The following MYO1D variants were observed in gnomAD, a reference collection of about 807,000 sequenced individuals.
The protein encoded by MYO1D is unconventional myosin-Id.
In MYO1D, 83 loss-of-function variants were observed where a neutral mutation model predicts 122.0. The observed-to-expected ratio is 0.68, with a 90% CI of 0.57 to 0.82. MYO1D has a LOEUF of 0.82. Ranked by LOEUF, MYO1D falls within the 40% of genes least tolerant of loss-of-function variation. The probability of loss-of-function intolerance (pLI) is 0.00; values close to 1 mark genes in which losing one functional copy is unlikely to be tolerated. For missense variants in MYO1D, 1,157 were observed against 1,269.5 expected (o/e 0.91, Z 1.35); for synonymous variants, 464 against 446.9 (o/e 1.04, Z -0.48).
At chr17:32,646,108 T>A (rs2088290085) in intron 19 of MYO1D, among the ~76,000 whole-genome samples, 1 of 152,208 alleles carries the variant, frequency 6.6e-6, no homozygotes, top group South Asian at 2.1e-4. Context: ...TGTTTGTTAG[T>A]TTTCCTTCTA....
chr17:32,799,824 A>T (rs1313796151), intron 1 of MYO1D, among the ~76,000 whole-genome samples: 2 of 152,184 alleles, frequency 1.3e-5, no homozygotes, highest in East Asian at 3.8e-4. Context: ...TCCATAATAT[A>T]TAAGAAACTC....
rs776348288 is a variant in MYO1D, at chr17:32,712,201, T to G, written c.1914-6A>C. ...ATTCAGAGATCATCTTATACCTGGATGAAAAAAAGAAACAGGGTTAAGGGA... is the reference window on the plus strand; with the variant it reads ...ATTCAGAGATCATCTTATACCTGGAGGAAAAAAAGAAACAGGGTTAAGGGA... On this transcript the variant is annotated splice_region_variant and splice_polypyrimidine_tract_variant and intron_variant, in intron 15 of 21. Transcript: ENST00000318217. 6.2e-7 allele frequency: 1 copy of G among 1,608,344 alleles called. No individual in the cohort carries two copies. Among genetic ancestry groups the G allele is most frequent in the Middle Eastern group, 1.7e-4 (1 of 6,042 alleles).
rs143195889 is a variant in MYO1D, at chr17:32,670,109, T to C, written c.2122-10771A>G. On this transcript the variant is annotated intron_variant, in intron 16 of 21. Coordinates refer to ENST00000318217, the MANE Select transcript of MYO1D (RefSeq NM_015194.3). Reference sequence around the variant, plus strand: ...CGGGGTTTTGCCATGTAAGCCAGGCTGGTTTCGAATTCCTGACCTCAAGCA... The same window carrying C: ...CGGGGTTTTGCCATGTAAGCCAGGCCGGTTTCGAATTCCTGACCTCAAGCA... Among the ~76,000 whole-genome samples, 511 of 152,216 alleles carry C rather than the reference T, an allele frequency of 3.4e-3. 3 individuals carry two copies. The highest frequency in any genetic ancestry group is 0.012 in the African/African-American group (483 of 41,526).
chr17:32,738,218 A>C, intron 14 of MYO1D, 35 bp downstream of exon 14: 2 of 1,525,072 alleles, frequency 1.3e-6, no homozygotes, highest in South Asian at 2.6e-5. Flanking sequence ...GAAATCTATG[A>C]GTTAAAATGG....
chr17:32,790,199 A>G (rs1247125477), intron 1 of MYO1D, among the ~76,000 whole-genome samples: 2 of 152,200 alleles, frequency 1.3e-5, no homozygotes, highest in Non-Finnish European at 2.9e-5. Flanking sequence ...ATACAGTAGC[A>G]AGTATGATCT....
At chr17:32,612,211 A>C in intron 20 of MYO1D, among the ~76,000 whole-genome samples, 1 of 152,208 alleles carries the variant, frequency 6.6e-6, no homozygotes, top group South Asian at 2.1e-4. Flanking sequence ...CCTGTTTATA[A>C]AATTAATTAA....
chr17:32,853,534 C>T (rs1324821760), intron 1 of MYO1D, among the ~76,000 whole-genome samples: 1 of 152,220 alleles, frequency 6.6e-6, no homozygotes, highest in Non-Finnish European at 1.5e-5. Context: ...GTTCCTGGGG[C>T]ATGCCATCCA....
chr17:32,737,362 C>CTTTTT (rs59432486), intron 14 of MYO1D, among the ~76,000 whole-genome samples: 3 of 142,134 alleles, frequency 2.1e-5, no homozygotes, highest in Non-Finnish European at 1.5e-5. Context: ...AATAATACAA[C>CTTTTT]TTTTTTTTTT....
At chr17:32,538,862 C>T (rs989853447) in intron 21 of MYO1D, among the ~76,000 whole-genome samples, 1 of 152,160 alleles carries the variant, frequency 6.6e-6, no homozygotes, top group African/African-American at 2.4e-5. Context: ...AACCAAACAC[C>T]GCATGTTCTT....
intron 1 of MYO1D, among the ~76,000 whole-genome samples, chr17:32,836,463 C>T (rs188962907): frequency 3.9e-5 from 6 of 152,254 alleles, no homozygotes; most frequent in Admixed American, 3.9e-4. Context: ...CTCTTCTGCT[C>T]ATTCCCAGTT....
At chr17:32,842,952 G>C (rs981491869) in intron 1 of MYO1D, among the ~76,000 whole-genome samples, 4 of 138,252 alleles carry the variant, frequency 2.9e-5, no homozygotes, top group Admixed American at 2.4e-4. Context: ...GCAGTGGCAC[G>C]ATCTCAGCTC....
chr17:32,798,288 T>C (rs1268883074), intron 1 of MYO1D, among the ~76,000 whole-genome samples: 2 of 152,234 alleles, frequency 1.3e-5, no homozygotes, highest in Non-Finnish European at 2.9e-5. Context: ...TCTCCTTGGC[T>C]TTCCTCGTCA....
At chr17:32,784,296 ATTC>A in intron 1 of MYO1D, among the ~76,000 whole-genome samples, 1 of 152,274 alleles carries the variant, frequency 6.6e-6, no homozygotes, top group Non-Finnish European at 1.5e-5. Flanking sequence ...CATGGAGTTC[ATTC>A]TGCCTCACAC....
At chr17:32,612,447 G>A (rs562932019) in intron 20 of MYO1D, among the ~76,000 whole-genome samples, 2 of 152,114 alleles carry the variant, frequency 1.3e-5, no homozygotes, top group African/African-American at 4.8e-5. Flanking sequence ...AGCACTTTGG[G>A]AGACTGAGAC....
intron 1 of MYO1D, among the ~76,000 whole-genome samples, chr17:32,796,204 A>G (rs1365604689): frequency 1.3e-5 from 2 of 152,172 alleles, no homozygotes; most frequent in African/African-American, 4.8e-5. Flanking sequence ...CATTATGGTA[A>G]CATTTGGCTA....
At chr17:32,550,031 T>C (rs2086997768) in intron 21 of MYO1D, among the ~76,000 whole-genome samples, 1 of 152,112 alleles carries the variant, frequency 6.6e-6, no homozygotes, top group African/African-American at 2.4e-5. Flanking sequence ...GTATTAATAA[T>C]ATGTTAGGTC....
chr17:32,726,501 A>G (rs142869079), intron 14 of MYO1D, among the ~76,000 whole-genome samples: 3,778 of 151,142 alleles, frequency 0.025, 160 homozygotes, highest in African/African-American at 0.085. Flanking sequence ...ATATTTTAAA[A>G]AAATAGGAAG....
Position 32,864,800 on chromosome 17 carries a change from T to C in MYO1D, c.95+11978A>G, listed in dbSNP as rs140535609. Among the ~76,000 whole-genome samples, 325 of 152,344 alleles carry C rather than the reference T, an allele frequency of 2.1e-3. 1 individual carries two copies. The highest frequency in any genetic ancestry group is 7.0e-3 in the African/African-American group (289 of 41,574). ...AAGTACTATGCATTTATTTGTTTAT[T>C]CCGTGATAGAGGTGAAAGTATTTTC... On this transcript the variant is annotated intron_variant, in intron 1 of 21. Transcript: ENST00000318217.
At position 32,745,278 on chromosome 17, in the gene MYO1D, C is replaced by A; in HGVS notation, c.1546G>T (p.Val516Phe). ...RHYAGDVVYS[V>F]IGFIDKNKDT... ...TTATTTTTGTCAATAAAACCAATGA[C>A]AGAATAGCTAACAGGGAAAAATCAC... is the stretch of plus-strand genomic sequence containing the variant. The change falls in exon 13 of 22, where the codon GTC becomes TTC. Residue 516 changes from valine to phenylalanine, a missense_variant. Transcript: ENST00000318217. 1 of 1,546,738 alleles carries A rather than the reference C, an allele frequency of 6.5e-7. No individual in the cohort carries two copies. The highest frequency in any genetic ancestry group is 1.1e-5 in the South Asian group (1 of 87,616).
Sources: gnomAD v4.1 joint callset for allele counts (sites outside exome capture counted in the v4.1 genomes callset) on GRCh38, gnomAD v4.1.1 for gene constraint, MANE v1.5 for transcripts, NCBI Gene and HGNC (gene_info 2026-07-23, HGNC 2026-07-21) for gene names.